The following ACSS2 variants were observed in gnomAD, a reference collection of about 807,000 sequenced individuals.
The protein encoded by ACSS2 is acetyl-coenzyme A synthetase, cytoplasmic.
ACSS2 carries 58 observed loss-of-function variants against 90.6 expected under a neutral mutation model. That is an observed-to-expected ratio of 0.64 (90% CI 0.52 to 0.80). The LOEUF is 0.80. ACSS2 is among the 30% of genes least tolerant of loss of function. ACSS2 has a pLI of 0.00. For missense variants in ACSS2, 759 were observed against 912.0 expected (o/e 0.83, Z 2.16); for synonymous variants, 300 against 330.9 (o/e 0.91, Z 1.01).
chr20:34,913,403 G>C lies in ACSS2; in HGVS notation c.477G>C (p.Lys159Asn), dbSNP rs57262888. The C allele has an allele frequency of 1.2e-6, 2 of 1,614,032 alleles. No individual in the cohort carries two copies. Among genetic ancestry groups the C allele is most frequent in the Admixed American group, 3.3e-5 (2 of 60,000 alleles). Residue 159 changes from lysine to asparagine, a missense_variant, in exon 4 of 18, where the codon AAG becomes AAC. Lys to Asn is a moderately conservative substitution (Grantham distance 94). Transcript: ENST00000360596. ...TGCTTTTACCTGCAGGCATTCAGAA[G>C]GGGGACCGAGTGGCCATCTACATGC... Reference protein sequence around the residue: ...SNVLRKQGIQKGDRVAIYMPM... With the variant: ...SNVLRKQGIQNGDRVAIYMPM...
At chr20:34,913,556 T>C in intron 4 of ACSS2, 60 bp downstream of exon 4, 1 of 1,527,572 alleles carries the variant, frequency 6.5e-7, no homozygotes. Context: ...GAGAAGTAGG[T>C]TGGGCCTAGA....
rs2081330921 is a variant in ACSS2 at position 34,926,895 on chromosome 20, C to A, written c.1922C>A (p.Pro641His). ...GTTACAGTTAGAGAAAAGATTGGCC[C>A]CATTGCCACACCAGACTACATCCAG... is the stretch of plus-strand genomic sequence containing the variant. ...LKKQIREKIG[P>H]IATPDYIQNA... The change falls in exon 17 of 18, where the codon CCC (proline) becomes CAC (histidine). Residue 641 changes from proline to histidine, a missense_variant. By Grantham distance (77) the Pro-to-His change is moderately conservative (BLOSUM62 -2). Transcript: ENST00000360596. 1 of 1,614,072 alleles carries A rather than the reference C, an allele frequency of 6.2e-7. No individual in the cohort carries two copies. The highest frequency in any genetic ancestry group is 8.5e-7 in the Non-Finnish European group (1 of 1,180,006).
At chr20:34,894,181 C>G (rs867534931) in intron 2 of ACSS2, among the ~76,000 whole-genome samples, 2 of 152,154 alleles carry the variant, frequency 1.3e-5, no homozygotes, top group South Asian at 2.1e-4. Flanking sequence ...GTCCTCCAAA[C>G]TGCCACATAT....
chr20:34,876,500 C>A, upstream of ACSS2: 1 of 980,796 alleles, frequency 1.0e-6, no homozygotes, highest in Non-Finnish European at 1.3e-6. Flanking sequence ...CCCCCTCTGG[C>A]ACCGCCCACC....
intron 2 of ACSS2, among the ~76,000 whole-genome samples, chr20:34,885,001 A>G (rs1163964401): frequency 6.6e-6 from 1 of 152,110 alleles, no homozygotes; most frequent in African/African-American, 2.4e-5. Flanking sequence ...AGAGTTCGAG[A>G]CCAGCCTGGG....
rs1010710486 is a variant in ACSS2 at position 34,914,228 on chromosome 20, C to T, written c.719+57C>T. On this transcript the variant is annotated intron_variant, in intron 6 of 17. Coordinates refer to ENST00000360596, the MANE Select transcript of ACSS2 (RefSeq NM_018677.4). ...TGAGCCTTTCCCCAGTGCCAGGTTCCCTTTGTCCCCTCTACCCTAAATGGA... is the reference window on the plus strand; with the variant it reads ...TGAGCCTTTCCCCAGTGCCAGGTTCTCTTTGTCCCCTCTACCCTAAATGGA... The T allele has an allele frequency of 3.1e-6, 5 of 1,608,816 alleles. No homozygotes were observed. In the African/African-American group the frequency reaches 6.7e-5, roughly 21 times the overall value.
At chr20:34,889,277 C>G (rs2080275147) in intron 2 of ACSS2, among the ~76,000 whole-genome samples, 1 of 151,864 alleles carries the variant, frequency 6.6e-6, no homozygotes, top group South Asian at 2.1e-4. Context: ...CGCCCGCCAC[C>G]ATGCCCGGCT....
intron 1 of ACSS2, among the ~76,000 whole-genome samples, chr20:34,878,325 T>G (rs1031526051): frequency 1.3e-5 from 2 of 152,222 alleles, no homozygotes; most frequent in African/African-American, 4.8e-5. Flanking sequence ...CAGAAAAATC[T>G]AGATTTAGAC....
rs1408505525 is a variant in ACSS2, at chr20:34,914,105, A to G, written c.653A>G (p.Tyr218Cys). 1.9e-6 allele frequency: 3 copies of G among 1,614,176 alleles called. No individual in the cohort carries two copies. The highest frequency in any genetic ancestry group is 2.5e-6 in the Non-Finnish European group (3 of 1,180,010). Residue 218 changes from tyrosine (Y) to cysteine (C), a missense_variant, in exon 6 of 18, where the codon TAC (tyrosine) becomes TGC (cysteine). Physicochemically the swap from Tyr to Cys is radical, Grantham distance 194. Transcript: ENST00000360596. ...CTGTTGCTCCCCAAAGATGCCTTCTACAGGGGGGAAAAGCTTGTGAACCTG... is the reference window on the plus strand; with the variant it reads ...CTGTTGCTCCCCAAAGATGCCTTCTGCAGGGGGGAAAAGCTTGTGAACCTG... Reference protein sequence around the residue: ...CSLLITTDAFYRGEKLVNLKE... With the variant: ...CSLLITTDAFCRGEKLVNLKE...
At chr20:34,920,845 G>C (rs2081180538) in intron 9 of ACSS2, 136 bp downstream of exon 9, 1 of 1,458,980 alleles carries the variant, frequency 6.9e-7, no homozygotes, top group Non-Finnish European at 9.3e-7. Context: ...AGTCCTGAGG[G>C]GGTTGCGTAT....
chr20:34,876,192 A>G (rs1568953681), upstream of ACSS2, among the ~76,000 whole-genome samples: 8 of 151,778 alleles, frequency 5.3e-5, no homozygotes, highest in Non-Finnish European at 1.5e-5. Flanking sequence ...CTGTCACTCC[A>G]AGACCCCACC....
chr20:34,905,446 G>A (rs909522401), intron 2 of ACSS2, among the ~76,000 whole-genome samples: 7 of 151,786 alleles, frequency 4.6e-5, no homozygotes, highest in African/African-American at 1.7e-4. Flanking sequence ...CTAATTTTTT[G>A]TATTTTTAGT....
At chr20:34,905,146 G>A (rs2080766513) in intron 2 of ACSS2, among the ~76,000 whole-genome samples, 1 of 151,930 alleles carries the variant, frequency 6.6e-6, no homozygotes, top group Non-Finnish European at 1.5e-5. Flanking sequence ...TTGAACTCCT[G>A]TCCTCAAACA....
In ACSS2 at chr20:34,882,947, A is replaced by G; in HGVS notation, c.332A>G (p.Asn111Ser). 1 of 1,610,892 alleles carries G rather than the reference A, an allele frequency of 6.2e-7. No homozygotes were observed. The highest frequency in any genetic ancestry group is 8.5e-7 in the Non-Finnish European group (1 of 1,179,172). ...TNICYNVLDR[N>S]VHEKKLGDKV... ...ATCTGCTACAATGTACTGGATCGAA[A>G]TGTCCATGAGAAAAAGCTTGGAGAT... is the stretch of plus-strand genomic sequence containing the variant. The change falls in exon 2 of 18, where the codon AAT (asparagine) becomes AGT (serine). Residue 111 changes from asparagine (N) to serine (S), a missense_variant. Asn to Ser is a conservative substitution (Grantham distance 46). Coordinates refer to ENST00000360596, the MANE Select transcript of ACSS2 (RefSeq NM_018677.4).
At chr20:34,900,394 C>T (rs986870251) in intron 2 of ACSS2, among the ~76,000 whole-genome samples, 6 of 150,714 alleles carry the variant, frequency 4.0e-5, no homozygotes, top group South Asian at 2.1e-4. Flanking sequence ...AGGCTGGTGT[C>T]GAACTTCTGA....
At chr20:34,915,583 C>CAGG (rs1343071847) in intron 7 of ACSS2, among the ~76,000 whole-genome samples, 1 of 152,018 alleles carries the variant, frequency 6.6e-6, no homozygotes, top group Non-Finnish European at 1.5e-5. Context: ...AGCCGAGAGA[C>CAGG]AGGAGGAGGA....
intron 2 of ACSS2, chr20:34,893,586 C>A (rs1244578187): frequency 6.0e-5 from 9 of 149,614 alleles, no homozygotes; most frequent in African/African-American, 2.2e-4. Context: ...GTGGTTTTGC[C>A]ATGTTGGCCA....
chr20:34,876,224 T>A (rs1164858470), upstream of ACSS2, among the ~76,000 whole-genome samples: 1 of 151,812 alleles, frequency 6.6e-6, no homozygotes, highest in Non-Finnish European at 1.5e-5. Context: ...ACTCCATGGC[T>A]CTGCCTCCTC....
At chr20:34,895,484 C>T (rs2080440142) in intron 2 of ACSS2, among the ~76,000 whole-genome samples, 1 of 152,152 alleles carries the variant, frequency 6.6e-6, no homozygotes, top group Non-Finnish European at 1.5e-5. Flanking sequence ...AGATATAAGG[C>T]AAGTAGTCTT....
Sources: allele counts gnomAD v4.1 joint callset (sites outside exome capture counted in the v4.1 genomes callset), GRCh38; gene constraint gnomAD v4.1.1; transcripts MANE v1.5; gene names NCBI Gene and HGNC (gene_info 2026-07-23, HGNC 2026-07-21).